The following PLVAP variants were observed in gnomAD, a reference collection of about 807,000 sequenced individuals.
PLVAP encodes plasmalemma vesicle associated protein, also known as plasmalemma vesicle-associated protein.
Under a neutral mutation model 43.1 loss-of-function variants are expected in PLVAP, and 34 were observed. The observed-to-expected ratio is 0.79, with a 90% confidence interval of 0.60 to 1.05. The LOEUF is 1.05. Among genes scored for constraint, PLVAP ranks in the 50% least tolerant of loss-of-function variants. The pLI is 0.00. For missense variants in PLVAP, 574 were observed against 593.4 expected (o/e 0.97, Z 0.34); for synonymous variants, 241 against 237.3 (o/e 1.02, Z -0.14).
At chr19:17,364,256 T>G (rs2074539825) in intron 3 of PLVAP, among the ~76,000 whole-genome samples, 1 of 152,018 alleles carries the variant, frequency 6.6e-6, no homozygotes, top group African/African-American at 2.4e-5. Context: ...CAGCTAATTT[T>G]TTGTGTTTTA....
chr19:17,374,828 A>G (rs2074588529), intron 1 of PLVAP, among the ~76,000 whole-genome samples: 1 of 149,910 alleles, frequency 6.7e-6, no homozygotes, highest in South Asian at 2.1e-4. Flanking sequence ...GTATGTATGT[A>G]TTTATTTTTA....
rs2074600362 is a variant in PLVAP, at chr19:17,377,269, T to A, written c.20A>T (p.His7Leu). The change falls in exon 1 of 6, where the codon CAC becomes CTC. Residue 7 changes from histidine (H) to leucine (L), a missense_variant. Physicochemically the swap from His to Leu is moderately conservative, Grantham distance 99 (BLOSUM62 -3). Coordinates refer to ENST00000252590, the MANE Select transcript of PLVAP (RefSeq NM_031310.3). MGLAME[H>L]GGSYARAGGS... Reference sequence around the variant, plus strand: ...CCCCGCCCGAGCGTAGGACCCTCCGTGCTCCATGGCCAGACCCATTTGCTC... The same window carrying A: ...CCCCGCCCGAGCGTAGGACCCTCCGAGCTCCATGGCCAGACCCATTTGCTC... 1 of 1,612,640 alleles carries A rather than the reference T, an allele frequency of 6.2e-7. No homozygotes were observed. Among genetic ancestry groups the A allele is most frequent in the Non-Finnish European group, 8.5e-7 (1 of 1,179,242 alleles).
intron 1 of PLVAP, among the ~76,000 whole-genome samples, chr19:17,373,089 A>G (rs1228611120): frequency 6.4e-5 from 8 of 125,626 alleles, no homozygotes; most frequent in African/African-American, 1.9e-4. Flanking sequence ...AAAAAAAAAA[A>G]AAAAGAAAGA....
rs1239822948 is a variant in PLVAP, at chr19:17,366,098, C to G, written c.466+1G>C. On this transcript the variant is annotated splice_donor_variant, in intron 2 of 5. Coordinates refer to ENST00000252590, the MANE Select transcript of PLVAP (RefSeq NM_031310.3). LOFTEE classifies it high-confidence loss of function. Reference sequence around the variant, plus strand: ...CGGCTCCCTGCAGCCTTAGCACTCACCATCGCAGCTCTTGTTCATGTCCTT... The same window carrying G: ...CGGCTCCCTGCAGCCTTAGCACTCAGCATCGCAGCTCTTGTTCATGTCCTT... 1.9e-6 allele frequency: 3 copies of G among 1,614,074 alleles called. No homozygotes were observed. The highest frequency in any genetic ancestry group is 2.5e-6 in the Non-Finnish European group (3 of 1,179,994).
At chr19:17,375,552 C>T (rs975159119) in intron 1 of PLVAP, among the ~76,000 whole-genome samples, 1 of 151,682 alleles carries the variant, frequency 6.6e-6, no homozygotes, top group Admixed American at 6.6e-5. Flanking sequence ...CCAGCCTCAG[C>T]AGCATAGTGA....
chr19:17,374,622 C>T (rs2074587346), intron 1 of PLVAP, among the ~76,000 whole-genome samples: 1 of 151,900 alleles, frequency 6.6e-6, no homozygotes, highest in South Asian at 2.1e-4. Flanking sequence ...TTCAGTCCAT[C>T]CTTTTTTTGT....
At chr19:17,362,952 C>T (rs2074534047) in intron 3 of PLVAP, among the ~76,000 whole-genome samples, 1 of 152,162 alleles carries the variant, frequency 6.6e-6, no homozygotes, top group South Asian at 2.1e-4. Context: ...TCCCCGGTTC[C>T]TCAACACAAC....
chr19:17,377,335 C>G lies in PLVAP; in HGVS notation c.-47G>C. ...TGCACCGTCCCTGCTCACCACCAGGCCTGCTCTGGCCCCCGCCTCGCAGGG... is the reference window on the plus strand; with the variant it reads ...TGCACCGTCCCTGCTCACCACCAGGGCTGCTCTGGCCCCCGCCTCGCAGGG... On this transcript the variant is annotated 5_prime_UTR_variant, in exon 1 of 6. Coordinates refer to ENST00000252590, the MANE Select transcript of PLVAP (RefSeq NM_031310.3). 1 of 1,438,282 alleles carries G rather than the reference C, an allele frequency of 7.0e-7. No individual in the cohort carries two copies. 89.1% of individuals were successfully genotyped at this position (1,438,282 alleles called of 1,614,324 possible).
chr19:17,365,395 T>G lies in PLVAP; in HGVS notation c.1070A>C (p.Glu357Ala). Residue 357 changes from glutamate (E) to alanine (A), a missense_variant, in exon 3 of 6, where the codon GAA becomes GCA. Transcript: ENST00000252590. ...CAGCTCCTTGGCCAGGTTGTCTCGT[T>G]CCTTCCGCAGCACCGCCTTCTCCTC... The part of the protein sequence containing the change: ...ALEEKAVLRK[E>A]RDNLAKELEE... 6.2e-7 allele frequency: 1 copy of G among 1,613,368 alleles called. No individual in the cohort carries two copies. Among genetic ancestry groups the G allele is most frequent in the East Asian group, 2.2e-5 (1 of 44,878 alleles).
chr19:17,360,688 A>C, intron 4 of PLVAP, 79 bp from the exon 5 acceptor site: 2 of 1,581,234 alleles, frequency 1.3e-6, no homozygotes, highest in Non-Finnish European at 1.7e-6. Flanking sequence ...CTGGCAGCCC[A>C]GGGGAGTGGG....
At chr19:17,353,370 C>G (rs754803368) in intron 5 of PLVAP, among the ~76,000 whole-genome samples, 1 of 152,152 alleles carries the variant, frequency 6.6e-6, no homozygotes, top group Admixed American at 6.6e-5. Context: ...TGTTCCCCAA[C>G]AGTGACCAGA....
chr19:17,367,389 A>ATT (rs34624440), intron 1 of PLVAP, among the ~76,000 whole-genome samples: 80 of 143,916 alleles, frequency 5.6e-4, no homozygotes, highest in Non-Finnish European at 4.5e-4. Context: ...TGATTTTTAA[A>ATT]TTTTTTTTTT....
chr19:17,369,624 G>T (rs1012182371), intron 1 of PLVAP, among the ~76,000 whole-genome samples: 1 of 136,398 alleles, frequency 7.3e-6, no homozygotes. Context: ...AACAGAGTGA[G>T]ACTCTATGTC....
intron 5 of PLVAP, 35 bp downstream of exon 5, chr19:17,360,493 A>G (rs1433365270): frequency 6.3e-7 from 1 of 1,594,536 alleles, no homozygotes; most frequent in South Asian, 1.1e-5. Context: ...CCACAGTTCT[A>G]AGACTGAACA....
intron 3 of PLVAP, chr19:17,362,666 C>T (rs1287798682): frequency 6.6e-6 from 1 of 152,278 alleles, no homozygotes; most frequent in Non-Finnish European, 1.5e-5. Context: ...AGTCCCGAAG[C>T]AACTGAGATC....
chr19:17,375,030 C>T (rs2074589621), intron 1 of PLVAP, among the ~76,000 whole-genome samples: 1 of 152,106 alleles, frequency 6.6e-6, no homozygotes. Flanking sequence ...CTAGGTTGGC[C>T]AGGCTGGTCT....
chr19:17,366,269 G>C, intron 1 of PLVAP, 74 bp from the exon 2 acceptor site: 3 of 1,447,916 alleles, frequency 2.1e-6, no homozygotes, highest in Non-Finnish European at 2.9e-6. Context: ...GACCCAGATC[G>C]AGCACCCTGG....
intron 3 of PLVAP, among the ~76,000 whole-genome samples, chr19:17,363,387 G>A (rs892994116): frequency 6.6e-6 from 1 of 152,058 alleles, no homozygotes. Context: ...GGCTGGTCTC[G>A]AACTCCTGAC....
chr19:17,362,453 A>G (rs2074532438), intron 3 of PLVAP: 1 of 152,006 alleles, frequency 6.6e-6, no homozygotes, highest in African/African-American at 2.4e-5. Flanking sequence ...CAATCCTTCA[A>G]CTCAACTCCA....
Sources: gnomAD v4.1 joint callset for allele counts (sites outside exome capture counted in the v4.1 genomes callset) on GRCh38, gnomAD v4.1.1 for gene constraint, MANE v1.5 for transcripts, NCBI Gene and HGNC (gene_info 2026-07-23, HGNC 2026-07-21) for gene names.